The following THAP1 variants were observed in gnomAD, a reference collection of about 807,000 sequenced individuals.
THAP1 encodes the protein THAP domain containing 1, also known as THAP domain-containing protein 1.
Under a neutral mutation model 18.2 loss-of-function variants are expected in THAP1, and 6 were observed. The observed-to-expected ratio is 0.33, with a 90% CI of 0.18 to 0.65. THAP1 has a LOEUF of 0.65. THAP1 is among the 30% of genes least tolerant of loss of function. THAP1 has a pLI of 0.74. For synonymous variants in THAP1, 85 were observed against 90.5 expected (o/e 0.94, Z 0.34); for missense variants, 176 against 253.0 (o/e 0.70, Z 2.06).
In THAP1 at chr8:42,837,213, A is replaced by T. The variant is rs1227280859; in HGVS notation, c.*749T>A. 6.6e-6 allele frequency: 1 copy of T among 152,212 alleles called. No individual in the cohort carries two copies. The highest frequency in any genetic ancestry group is 1.9e-4 in the East Asian group (1 of 5,202). The allele number at this position is 152,212 out of a possible 1,614,324, so 9.4% of individuals were successfully genotyped here. A position where few individuals can be genotyped will look rare whatever the true frequency, so the allele number is the denominator to read the frequency against. On this transcript the variant is annotated 3_prime_UTR_variant, in exon 3 of 3. Coordinates refer to ENST00000254250, the MANE Select transcript of THAP1 (RefSeq NM_018105.3). ...CATAGATCAGGTCCCAGTTTTAATT[A>T]CTTCATTGATGACAATGCCTTACTT... is the stretch of plus-strand genomic sequence containing the variant.
chr8:42,843,205 A>C lies in THAP1; in HGVS notation c.-111T>G. The C allele has an allele frequency of 7.5e-7, 1 of 1,334,958 alleles. No homozygotes were observed. Among genetic ancestry groups the C allele is most frequent in the Non-Finnish European group, 1.1e-6 (1 of 933,998 alleles). The allele number at this position is 1,334,958 out of a possible 1,614,324, so 82.7% of individuals were successfully genotyped here. On this transcript the variant is annotated 5_prime_UTR_variant, in exon 1 of 3. Coordinates refer to ENST00000254250, the MANE Select transcript of THAP1 (RefSeq NM_018105.3). ...CTCGCTTCTTTTGTAGCTTTGGCCA[A>C]CAGTTACAGTGATGGTGGCCTCCCT... is the stretch of plus-strand genomic sequence containing the variant.
chr8:42,838,407 C>T, intron 2 of THAP1, 71 bp from the exon 3 acceptor site: 2 of 1,584,400 alleles, frequency 1.3e-6, no homozygotes, highest in Non-Finnish European at 1.7e-6. Flanking sequence ...GTGGACTGAC[C>T]AGGCGCAGTG....
At chr8:42,839,473 G>T in intron 1 of THAP1, 92 bp from the exon 2 acceptor site, 1 of 1,226,006 alleles carries the variant, frequency 8.2e-7, no homozygotes, top group South Asian at 1.2e-5. Flanking sequence ...TCTTACATTG[G>T]TATTAAAGAT....
At chr8:42,841,796 A>G (rs932464959) in intron 1 of THAP1, among the ~76,000 whole-genome samples, 2 of 152,172 alleles carry the variant, frequency 1.3e-5, no homozygotes, top group Non-Finnish European at 2.9e-5. Context: ...TCAAGAGATA[A>G]TATTAGGATA....
Position 42,843,180 on chromosome 8 carries a change from C to A in THAP1, c.-86G>T. On this transcript the variant is annotated 5_prime_UTR_variant, in exon 1 of 3. In the 5' UTR this introduces an upstream ATG that the reference lacks. Coordinates refer to ENST00000254250, the MANE Select transcript of THAP1 (RefSeq NM_018105.3). Reference sequence around the variant, plus strand: ...GTGTCGCTGCGCTCGGTTGGATTCCCTCGCTTCTTTTGTAGCTTTGGCCAA... The same window carrying A: ...GTGTCGCTGCGCTCGGTTGGATTCCATCGCTTCTTTTGTAGCTTTGGCCAA... 1 of 1,540,930 alleles carries A rather than the reference C, an allele frequency of 6.5e-7. No individual in the cohort carries two copies. The highest frequency in any genetic ancestry group is 1.1e-5 in the South Asian group (1 of 89,620).
chr8:42,842,999 C>T lies in THAP1; in HGVS notation c.71+25G>A, dbSNP rs1349444170. The T allele has an allele frequency of 3.1e-6, 5 of 1,601,782 alleles. No individual in the cohort carries two copies. The African/African-American group carries it at 4.0e-5, about 13-fold the overall frequency. ...CGCCCCCACCCCGGCTGAGACCGGC[C>T]CCGCGAGGCGCGCAGGGTCCTCACT... On this transcript the variant is annotated intron_variant, in intron 1 of 2. Coordinates refer to ENST00000254250, the MANE Select transcript of THAP1 (RefSeq NM_018105.3).
rs370132548 is a variant in THAP1 at position 42,839,165 on chromosome 8, A to G, written c.267+21T>C. 56 of 1,613,572 alleles carry G rather than the reference A, an allele frequency of 3.5e-5. 1 individual carries two copies. The highest frequency in any genetic ancestry group is 3.1e-4 in the African/African-American group (23 of 75,050). On this transcript the variant is annotated intron_variant, in intron 2 of 2. Coordinates refer to ENST00000254250, the MANE Select transcript of THAP1 (RefSeq NM_018105.3). ...AGTTTGATAAACAAAAAGCAACCCA[A>G]TATTTTAAAATGCATATTACCTTGT... is the stretch of plus-strand genomic sequence containing the variant.
chr8:42,836,727 G>A lies in THAP1; in HGVS notation c.*1235C>T, dbSNP rs528126268. 8 of 152,654 alleles carry A rather than the reference G, an allele frequency of 5.2e-5. No homozygotes were observed. The highest frequency in any genetic ancestry group is 1.9e-4 in the African/African-American group (8 of 41,538). 9.5% of individuals were successfully genotyped at this position (152,654 alleles called of 1,614,324 possible). ...CTTAAAGGTTCTATTGCTCTTCAACGATCTTAGTGTACTTTGAAATATAAA... is the reference window on the plus strand; with the variant it reads ...CTTAAAGGTTCTATTGCTCTTCAACAATCTTAGTGTACTTTGAAATATAAA... On this transcript the variant is annotated 3_prime_UTR_variant, in exon 3 of 3. Coordinates refer to ENST00000254250, the MANE Select transcript of THAP1 (RefSeq NM_018105.3).
chr8:42,838,439 A>T, intron 2 of THAP1, 103 bp from the exon 3 acceptor site: 1 of 1,479,870 alleles, frequency 6.8e-7, no homozygotes, highest in Non-Finnish European at 9.2e-7. Context: ...TAATCCTAGT[A>T]CTTTTGTGAG....
At chr8:42,840,343 A>G (rs1451901447) in intron 1 of THAP1, among the ~76,000 whole-genome samples, 3 of 152,230 alleles carry the variant, frequency 2.0e-5, no homozygotes, top group Non-Finnish European at 4.4e-5. Context: ...TGAATAGGCT[A>G]AATTTGAATT....
chr8:42,842,101 G>C (rs932592464), intron 1 of THAP1, among the ~76,000 whole-genome samples: 1 of 152,196 alleles, frequency 6.6e-6, no homozygotes, highest in Non-Finnish European at 1.5e-5. Context: ...CCCTGGATCT[G>C]ATTTCTTACC....
At chr8:42,838,938 T>C (rs751881681) in intron 2 of THAP1, among the ~76,000 whole-genome samples, 1 of 152,170 alleles carries the variant, frequency 6.6e-6, no homozygotes, top group Non-Finnish European at 1.5e-5. Flanking sequence ...AACCCAAAAC[T>C]TATCAATATA....
rs148565279 is a variant in THAP1, at chr8:42,840,167, C to T, written c.72-786G>A. Among the ~76,000 whole-genome samples the T allele has an allele frequency of 7.8e-3, 1,181 of 152,198 alleles. 16 individuals carry two copies. The highest frequency in any genetic ancestry group is 0.026 in the African/African-American group (1,094 of 41,524). The stretch of plus-strand genomic sequence containing the variant: ...CTGAGATCATTCCACTGCACTCCAG[C>T]CTGGGTGACAGAGCCATACCGTCTC... On this transcript the variant is annotated intron_variant, in intron 1 of 2. Transcript: ENST00000254250.
At chr8:42,842,610 G>A (rs1404561806) in intron 1 of THAP1, 1 of 152,396 alleles carries the variant, frequency 6.6e-6, no homozygotes, top group African/African-American at 2.4e-5. Context: ...TCCCATCCAC[G>A]GCAAGGGCGA....
Position 42,837,845 on chromosome 8 carries a change from T to C in THAP1, c.*117A>G. 2.6e-6 allele frequency: 3 copies of C among 1,141,584 alleles called. No homozygotes were observed. The highest frequency in any genetic ancestry group is 3.6e-6 in the Non-Finnish European group (3 of 842,574). The allele number at this position is 1,141,584 out of a possible 1,614,324, so 70.7% of individuals were successfully genotyped here. ...ATATAGAATTTTTTTTAAAAAAATATTCTGAACTGTTTTTATATAAGTAAT... is the reference window on the plus strand; with the variant it reads ...ATATAGAATTTTTTTTAAAAAAATACTCTGAACTGTTTTTATATAAGTAAT... On this transcript the variant is annotated 3_prime_UTR_variant, in exon 3 of 3. Transcript: ENST00000254250.
At chr8:42,839,624 C>T (rs1802679615) in intron 1 of THAP1, among the ~76,000 whole-genome samples, 1 of 152,170 alleles carries the variant, frequency 6.6e-6, no homozygotes, top group African/African-American at 2.4e-5. Flanking sequence ...TCTCGGCTCA[C>T]TGCGTCTCCG....
At position 42,838,056 on chromosome 8, in the gene THAP1, ACCT is replaced by A. The variant is rs1802648045; in HGVS notation, c.545_547del (p.Glu182del). The A allele has an allele frequency of 1.9e-6, 3 of 1,613,710 alleles. No individual in the cohort carries two copies. The African/African-American group carries it at 4.0e-5, about 22-fold the overall frequency. ...GTCTTTCTCTTTCTGGAAGTGAACA[ACCT>A]CCTTTAATTTTTCAAGCTGCCGTTC... On this transcript the variant is annotated inframe_deletion, in exon 3 of 3. Transcript: ENST00000254250.
chr8:42,838,362 T>C (rs1382082732), intron 2 of THAP1, 26 bp from the exon 3 acceptor site: 2 of 1,611,322 alleles, frequency 1.2e-6, no homozygotes, highest in African/African-American at 2.7e-5. Context: ...AAAGTATGTT[T>C]GAATTTAGTA....
intron 2 of THAP1, 23 bp downstream of exon 2, chr8:42,839,163 C>T (rs746957334): frequency 2.5e-6 from 4 of 1,613,154 alleles, no homozygotes; most frequent in Non-Finnish European, 3.4e-6. Context: ...AAAAGCAACC[C>T]AATATTTTAA....
Sources: gnomAD v4.1 joint callset for allele counts (sites outside exome capture counted in the v4.1 genomes callset) on GRCh38, gnomAD v4.1.1 for gene constraint, MANE v1.5 for transcripts, NCBI Gene and HGNC (gene_info 2026-07-23, HGNC 2026-07-21) for gene names.